The following SOX5 variants were observed in gnomAD, a reference collection of about 807,000 sequenced individuals.
SOX5 encodes the protein transcription factor SOX-5.
SOX5 carries 9 observed loss-of-function variants against 92.0 expected under a neutral mutation model. The ratio of observed to expected loss-of-function variants is 0.10; its 90% confidence interval spans 0.06 to 0.17. The LOEUF is 0.17. Ranked by LOEUF, SOX5 falls within the 10% of genes least tolerant of loss-of-function variation. The pLI is 1.00. For missense variants in SOX5, 642 were observed against 944.5 expected (o/e 0.68, Z 4.20); for synonymous variants, 344 against 336.3 (o/e 1.02, Z -0.25).
chr12:24,360,167 C>A (rs1311379250), intron 2 of SOX5, among the ~76,000 whole-genome samples: 1 of 152,178 alleles, frequency 6.6e-6, no homozygotes, highest in East Asian at 1.9e-4. Context: ...TTCTGTGTAA[C>A]TTCCTCCTCA....
At chr12:24,244,353 T>C (rs1356299376) in intron 3 of SOX5, among the ~76,000 whole-genome samples, 1 of 152,226 alleles carries the variant, frequency 6.6e-6, no homozygotes, top group African/African-American at 2.4e-5. Flanking sequence ...TTATGTACCC[T>C]GGTGGCTTCC....
At chr12:23,631,150 C>A (rs2078483189) in intron 8 of SOX5, among the ~76,000 whole-genome samples, 1 of 151,956 alleles carries the variant, frequency 6.6e-6, no homozygotes, top group African/African-American at 2.4e-5. Context: ...GCAACAACAA[C>A]AGTAACAAAA....
chr12:24,133,986 T>C (rs1033861514), intron 4 of SOX5, among the ~76,000 whole-genome samples: 5 of 152,156 alleles, frequency 3.3e-5, no homozygotes, highest in Non-Finnish European at 5.9e-5. Context: ...TTAGGGCAAA[T>C]TAGCTTGTTC....
At chr12:23,581,642 T>C (rs1020428933) in intron 9 of SOX5, among the ~76,000 whole-genome samples, 2 of 152,124 alleles carry the variant, frequency 1.3e-5, no homozygotes, top group Non-Finnish European at 2.9e-5. Flanking sequence ...TTAATGGCTA[T>C]TATATGCCAG....
intron 11 of SOX5, among the ~76,000 whole-genome samples, chr12:23,561,981 G>A (rs571051291): frequency 2.0e-4 from 31 of 152,226 alleles, no homozygotes; most frequent in Non-Finnish European, 1.6e-4. Context: ...TCATTTCTAC[G>A]TGGGGAGCAG....
At chr12:23,854,173 G>T (rs1480631238) in intron 2 of SOX5, among the ~76,000 whole-genome samples, 1 of 152,052 alleles carries the variant, frequency 6.6e-6, no homozygotes, top group Non-Finnish European at 1.5e-5. Context: ...TTGAGGAAAT[G>T]ACTTACTTTT....
chr12:24,469,922 A>G (rs1177771918), intron 1 of SOX5, among the ~76,000 whole-genome samples: 1 of 152,230 alleles, frequency 6.6e-6, no homozygotes, highest in Non-Finnish European at 1.5e-5. Flanking sequence ...AGCGGTAAGC[A>G]AATATGATCA....
intron 6 of SOX5, among the ~76,000 whole-genome samples, chr12:23,670,256 T>C (rs12820555): frequency 0.013 from 2,025 of 152,222 alleles, 32 homozygotes; most frequent in Middle Eastern, 0.068. Context: ...ACCACTTCCA[T>C]TAGAACAGAG....
intron 8 of SOX5, among the ~76,000 whole-genome samples, chr12:23,621,585 G>T (rs1343570074): frequency 2.0e-5 from 3 of 152,026 alleles, no homozygotes; most frequent in Non-Finnish European, 4.4e-5. Flanking sequence ...GTTGGTATAT[G>T]AACTAAAGAG....
At chr12:23,876,317 GAT>G (rs934296627) in intron 2 of SOX5, among the ~76,000 whole-genome samples, 1 of 152,054 alleles carries the variant, frequency 6.6e-6, no homozygotes, top group African/African-American at 2.4e-5. Context: ...GTGGGTGAAG[GAT>G]ATGAACAGAC....
intron 3 of SOX5, among the ~76,000 whole-genome samples, chr12:24,224,921 C>T (rs548698088): frequency 1.3e-5 from 2 of 152,180 alleles, no homozygotes; most frequent in Non-Finnish European, 2.9e-5. Flanking sequence ...TAGAAACACA[C>T]AGGGTGCTCA....
At chr12:24,202,932 G>T (rs2139570362) in intron 4 of SOX5, among the ~76,000 whole-genome samples, 1 of 152,224 alleles carries the variant, frequency 6.6e-6, no homozygotes, top group African/African-American at 2.4e-5. Flanking sequence ...TTTGAGAGGA[G>T]ATATGTTGAT....
chr12:24,397,809 T>C lies in SOX5; in HGVS notation c.-250-29170A>G, dbSNP rs199816829. 9.2e-5 allele frequency among the ~76,000 whole-genome samples: 14 copies of C among 152,066 alleles called. No individual in the cohort carries two copies. In the East Asian group the frequency reaches 2.7e-3, roughly 29 times the overall value. On this transcript the variant is annotated intron_variant, in intron 1 of 4. Transcript: ENST00000446891. ...CTACACTTATGAGTTGCATATTCTT[T>C]GCATCTTCATAAATATTATTGTTAT...
At chr12:23,965,085 C>T (rs1485095443) in intron 4 of SOX5, among the ~76,000 whole-genome samples, 1 of 152,222 alleles carries the variant, frequency 6.6e-6, no homozygotes, top group Non-Finnish European at 1.5e-5. Flanking sequence ...AGGGAATGTG[C>T]TGGGTGTGCC....
intron 8 of SOX5, among the ~76,000 whole-genome samples, chr12:23,631,988 C>G (rs1259341559): frequency 1.3e-5 from 2 of 152,106 alleles, no homozygotes; most frequent in Non-Finnish European, 2.9e-5. Context: ...TGGGCTCTGA[C>G]TCTAGCCCAT....
chr12:23,989,188 C>T (rs952533697), intron 4 of SOX5, among the ~76,000 whole-genome samples: 34 of 116,084 alleles, frequency 2.9e-4, no homozygotes, highest in African/African-American at 1.1e-3. Flanking sequence ...AGTCTGGCAA[C>T]ATGGCAAAAC....
intron 4 of SOX5, among the ~76,000 whole-genome samples, chr12:24,007,142 T>A (rs796826211): frequency 0.13 from 3,024 of 22,736 alleles, 320 homozygotes; most frequent in Middle Eastern, 0.38. Flanking sequence ...CAAAAAAAAA[T>A]ATATATATAT....
rs544533673 is a variant in SOX5 at position 24,246,387 on chromosome 12, C to T, written c.-77+30829G>A. On this transcript the variant is annotated intron_variant, in intron 3 of 4. Coordinates refer to the SOX5 transcript ENST00000446891. ...AATGTTTCAAACTTAAAAAAAAATTCAAGGAAATTACAATAATAATTCAAC... is the reference window on the plus strand; with the variant it reads ...AATGTTTCAAACTTAAAAAAAAATTTAAGGAAATTACAATAATAATTCAAC... Among the ~76,000 whole-genome samples the T allele has an allele frequency of 1.3e-3, 196 of 151,560 alleles. 1 individual carries two copies. The highest frequency in any genetic ancestry group is 4.1e-3 in the African/African-American group (171 of 41,298).
chr12:24,008,154 C>G (rs943423484), intron 4 of SOX5, among the ~76,000 whole-genome samples: 1 of 151,914 alleles, frequency 6.6e-6, no homozygotes, highest in African/African-American at 2.4e-5. Flanking sequence ...CCAAAACATT[C>G]GAGATAACGA....
Sources: gnomAD v4.1 joint callset for allele counts (sites outside exome capture counted in the v4.1 genomes callset) on GRCh38, gnomAD v4.1.1 for gene constraint, MANE v1.5 for transcripts, NCBI Gene and HGNC (gene_info 2026-07-23, HGNC 2026-07-21) for gene names.